Variants in AFG1L observed in about 807,000 individuals in gnomAD.
AFG1L encodes the protein AFG1 like ATPase.
A neutral mutation model predicts 62.2 loss-of-function variants in AFG1L; 53 were observed. The ratio of observed to expected loss-of-function variants is 0.85; its 90% CI spans 0.68 to 1.07. The LOEUF is 1.07. Ranked by LOEUF, AFG1L falls within the 50% of genes least tolerant of loss-of-function variation. The pLI, the probability that AFG1L is intolerant of heterozygous loss-of-function variation, is 0.00. For missense variants in AFG1L, 555 were observed against 590.5 expected, an observed-to-expected ratio of 0.94 and a Z score of 0.62; for synonymous variants, 228 against 210.3, an observed-to-expected ratio of 1.08 and a Z score of -0.73.
intron 7 of AFG1L, among the ~76,000 whole-genome samples, chr6:108,413,106 G>C (rs1782193192): frequency 6.6e-6 from 1 of 151,992 alleles, no homozygotes; most frequent in Non-Finnish European, 1.5e-5. Context: ...AAAAAAGCAG[G>C]GGTTGCAATC....
In AFG1L at chr6:108,477,052, G is replaced by A. The variant is rs201650899; in HGVS notation, c.961+117G>A. ...GGGTTGATGCCACGCTCAAGTGGCA[G>A]TCATTGTATCAGCATTTTGTCTAAT... On this transcript the variant is annotated intron_variant, in intron 9 of 12. Coordinates refer to ENST00000368977, the MANE Select transcript of AFG1L (RefSeq NM_145315.5). 55 of 1,046,010 alleles carry A rather than the reference G, an allele frequency of 5.3e-5. No homozygotes were observed. The East Asian group carries it at 9.7e-4, about 18-fold the overall frequency. 64.8% of individuals were successfully genotyped at this position (1,046,010 alleles called of 1,614,324 possible). A position where few individuals can be genotyped will look rare whatever the true frequency, so the allele number is the denominator to read the frequency against.
chr6:108,341,749 A>G (rs1467277729), intron 2 of AFG1L, among the ~76,000 whole-genome samples: 1 of 152,096 alleles, frequency 6.6e-6, no homozygotes, highest in Non-Finnish European at 1.5e-5. Context: ...GCACAATCTA[A>G]AAGGTGATGT....
chr6:108,454,644 A>T (rs1303718255), intron 8 of AFG1L, among the ~76,000 whole-genome samples: 1 of 152,080 alleles, frequency 6.6e-6, no homozygotes, highest in African/African-American at 2.4e-5. Context: ...GCCTTCCTGA[A>T]GTCTGTTCTT....
At chr6:108,319,434 AT>A (rs1777729930) in intron 1 of AFG1L, among the ~76,000 whole-genome samples, 1 of 151,906 alleles carries the variant, frequency 6.6e-6, no homozygotes, top group African/African-American at 2.4e-5. Flanking sequence ...TGCCTGGCTA[AT>A]TAAAAATTTT....
intron 6 of AFG1L, among the ~76,000 whole-genome samples, chr6:108,371,166 T>A (rs1327887300): frequency 6.6e-6 from 1 of 152,204 alleles, no homozygotes; most frequent in Non-Finnish European, 1.5e-5. Flanking sequence ...TTGTGATTAC[T>A]ACTTTATTTT....
At chr6:108,521,127 CT>C in intron 12 of AFG1L, 1 of 152,344 alleles carries the variant, frequency 6.6e-6, no homozygotes, top group East Asian at 1.9e-4. Context: ...GAAAAATTGT[CT>C]TCCACGAAAC....
intron 8 of AFG1L, among the ~76,000 whole-genome samples, chr6:108,466,962 A>G (rs948256060): frequency 6.6e-6 from 1 of 151,912 alleles, no homozygotes; most frequent in African/African-American, 2.4e-5. Context: ...ACATCAATAT[A>G]GATGAATCTC....
intron 1 of AFG1L, 52 bp downstream of exon 1, chr6:108,295,270 G>A: frequency 6.5e-7 from 1 of 1,545,072 alleles, no homozygotes; most frequent in Non-Finnish European, 8.7e-7. Flanking sequence ...GACTGGAGAA[G>A]CCTCTGGGAT....
intron 10 of AFG1L, among the ~76,000 whole-genome samples, chr6:108,508,044 C>T (rs539681002): frequency 1.3e-5 from 2 of 152,338 alleles, no homozygotes; most frequent in African/African-American, 2.4e-5. Context: ...GCCCCAGGCA[C>T]TGTGCTAAAC....
At chr6:108,518,566 G>A (rs1317608810) in intron 11 of AFG1L, among the ~76,000 whole-genome samples, 3 of 151,394 alleles carry the variant, frequency 2.0e-5, no homozygotes, top group Non-Finnish European at 4.4e-5. Flanking sequence ...TGAGTTAATG[G>A]GTGCAGCACA....
intron 7 of AFG1L, among the ~76,000 whole-genome samples, chr6:108,434,709 C>T (rs567480501): frequency 2.7e-4 from 41 of 152,298 alleles, no homozygotes; most frequent in Non-Finnish European, 4.6e-4. Context: ...GGATATTTAA[C>T]TTGCAAAGCT....
At chr6:108,429,400 G>T (rs1212402087) in intron 7 of AFG1L, among the ~76,000 whole-genome samples, 3 of 152,086 alleles carry the variant, frequency 2.0e-5, no homozygotes, top group Non-Finnish European at 4.4e-5. Flanking sequence ...AAAACCATCA[G>T]ATCTTGTGGA....
chr6:108,369,247 G>A (rs958770675), intron 6 of AFG1L, among the ~76,000 whole-genome samples: 2 of 152,080 alleles, frequency 1.3e-5, no homozygotes, highest in African/African-American at 2.4e-5. Context: ...ACTACAAAGG[G>A]GCAGGCTCAG....
chr6:108,417,077 T>TA (rs1203834091), intron 7 of AFG1L, among the ~76,000 whole-genome samples: 1 of 151,326 alleles, frequency 6.6e-6, no homozygotes, highest in African/African-American at 2.4e-5. Flanking sequence ...TACAAAAAAA[T>TA]AAAAAATTTA....
At chr6:108,415,884 CA>C (rs1263669715) in intron 7 of AFG1L, among the ~76,000 whole-genome samples, 1 of 152,092 alleles carries the variant, frequency 6.6e-6, no homozygotes, top group Non-Finnish European at 1.5e-5. Flanking sequence ...TCTAAAACAC[CA>C]AAAGCAATGG....
At chr6:108,440,538 G>A (rs1317141705) in intron 7 of AFG1L, among the ~76,000 whole-genome samples, 1 of 151,860 alleles carries the variant, frequency 6.6e-6, no homozygotes, top group East Asian at 1.9e-4. Context: ...TTTATTTCCT[G>A]GAATAAGAAA....
At chr6:108,488,566 G>A (rs1259090444) in intron 10 of AFG1L, among the ~76,000 whole-genome samples, 3 of 152,050 alleles carry the variant, frequency 2.0e-5, no homozygotes, top group Non-Finnish European at 4.4e-5. Context: ...AAACACAAGA[G>A]TTGGGGCTGG....
chr6:108,446,156 G>C (rs978164591), intron 7 of AFG1L, among the ~76,000 whole-genome samples: 5 of 151,422 alleles, frequency 3.3e-5, no homozygotes, highest in Non-Finnish European at 5.9e-5. Context: ...CAAGAAGATA[G>C]GTGTTGCAAA....
intron 10 of AFG1L, among the ~76,000 whole-genome samples, chr6:108,499,403 C>T (rs1430875602): frequency 6.6e-6 from 1 of 151,718 alleles, no homozygotes; most frequent in Non-Finnish European, 1.5e-5. Flanking sequence ...AGTTTTGATA[C>T]TTGAAATGGG....
Sources: allele counts gnomAD v4.1 joint callset (sites outside exome capture counted in the v4.1 genomes callset), GRCh38; gene constraint gnomAD v4.1.1; transcripts MANE v1.5; gene names NCBI Gene and HGNC (gene_info 2026-07-23, HGNC 2026-07-21).